The following GARIN2 variants were observed in gnomAD, a reference collection of about 807,000 sequenced individuals.
The protein encoded by GARIN2 is golgi associated RAB2 interactor family member 2.
the GARIN2 span, chr14:67,200,158 C>A: frequency 8.6e-7 from 1 of 1,159,958 alleles, no homozygotes; most frequent in Non-Finnish European, 1.2e-6. Context: ...TCACCCAGGT[C>A]CTATGCCTCC....
At chr14:67,205,776 C>T in the GARIN2 span, among the ~76,000 whole-genome samples, 1 of 152,132 alleles carries the variant, frequency 6.6e-6, no homozygotes, top group East Asian at 1.9e-4. Flanking sequence ...ACCGAAGTCT[C>T]CTGTGTAAGG....
the GARIN2 span, chr14:67,223,638 T>TG: frequency 6.5e-6 from 5 of 771,790 alleles, no homozygotes; most frequent in Non-Finnish European, 7.9e-6. Flanking sequence ...ACTTACAAAA[T>TG]GGGCATGTCG....
chr14:67,205,223 A>G, the GARIN2 span: 2 of 864,402 alleles, frequency 2.3e-6, no homozygotes, highest in Non-Finnish European at 3.4e-6. Flanking sequence ...CCTAATTTTA[A>G]TAGTGAGATT....
the GARIN2 span, chr14:67,221,881 G>T: frequency 6.3e-7 from 1 of 1,575,900 alleles, no homozygotes; most frequent in Non-Finnish European, 8.6e-7. Context: ...TCCTAGAAGA[G>T]TAGTGTGGCT....
chr14:67,219,844 A>G, the GARIN2 span, among the ~76,000 whole-genome samples: 109 of 152,294 alleles, frequency 7.2e-4, no homozygotes, highest in African/African-American at 2.6e-3. Flanking sequence ...ACAAAACAAA[A>G]CAAATTTTGG....
At chr14:67,213,553 C>G in the GARIN2 span, among the ~76,000 whole-genome samples, 1 of 151,968 alleles carries the variant, frequency 6.6e-6, no homozygotes, top group Non-Finnish European at 1.5e-5. Flanking sequence ...TTTTCTTAAT[C>G]CAGTTTATCA....
the GARIN2 span, among the ~76,000 whole-genome samples, chr14:67,196,468 C>T: frequency 5.9e-5 from 9 of 152,264 alleles, no homozygotes; most frequent in East Asian, 1.5e-3. Context: ...GTGATCTGCC[C>T]GCCTTGGCCT....
chr14:67,195,193 A>G, the GARIN2 span, among the ~76,000 whole-genome samples: 14 of 152,254 alleles, frequency 9.2e-5, no homozygotes, highest in Admixed American at 4.6e-4. Flanking sequence ...AGTTGATAAA[A>G]GAGCCTGTTA....
chr14:67,225,956 T>C, the GARIN2 span, among the ~76,000 whole-genome samples: 3 of 136,292 alleles, frequency 2.2e-5, no homozygotes, highest in East Asian at 2.3e-4. Flanking sequence ...TGTGTGTGTG[T>C]GTGTGTGCGC....
At chr14:67,208,053 C>T in the GARIN2 span, 1 of 1,201,276 alleles carries the variant, frequency 8.3e-7, no homozygotes, top group South Asian at 1.6e-5. Context: ...ATGGTCGTGC[C>T]ATTCTAAGCC....
At chr14:67,212,517 G>T in the GARIN2 span, among the ~76,000 whole-genome samples, 1 of 150,168 alleles carries the variant, frequency 6.7e-6, no homozygotes, top group Non-Finnish European at 1.5e-5. Context: ...CCTAATCCTG[G>T]GGGGTTGAGG....
At chr14:67,208,443 A>T in the GARIN2 span, 3 of 1,612,262 alleles carry the variant, frequency 1.9e-6, no homozygotes, top group Admixed American at 5.0e-5. Context: ...AAGGCTGAAG[A>T]ATCCAGGTAT....
chr14:67,190,194 C>T, the GARIN2 span, among the ~76,000 whole-genome samples: 23 of 147,970 alleles, frequency 1.6e-4, no homozygotes, highest in South Asian at 4.3e-3. Context: ...GGATTACAGG[C>T]GTGAGCCACT....
At chr14:67,207,447 G>A in the GARIN2 span, among the ~76,000 whole-genome samples, 1 of 151,230 alleles carries the variant, frequency 6.6e-6, no homozygotes, top group South Asian at 2.1e-4. Context: ...CCATTCATGA[G>A]GGATCTGCCC....
the GARIN2 span, among the ~76,000 whole-genome samples, chr14:67,216,537 C>A: frequency 1.3e-5 from 2 of 152,088 alleles, no homozygotes; most frequent in East Asian, 3.9e-4. Context: ...AGGTATTTAT[C>A]ACTATAAACT....
At chr14:67,202,171 C>T in the GARIN2 span, among the ~76,000 whole-genome samples, 169 of 152,238 alleles carry the variant, frequency 1.1e-3, no homozygotes, top group African/African-American at 3.6e-3. Context: ...CCAGGCACAG[C>T]GGCTCACGCC....
chr14:67,204,479 C>G, the GARIN2 span: 2 of 1,494,398 alleles, frequency 1.3e-6, no homozygotes, highest in Non-Finnish European at 1.8e-6. Context: ...ATAAGAAAGG[C>G]CTTTTTATAA....
the GARIN2 span, chr14:67,208,339 C>T: frequency 6.2e-7 from 1 of 1,613,940 alleles, no homozygotes; most frequent in Non-Finnish European, 8.5e-7. Context: ...TTCAAACTAC[C>T]TTGACCCCAG....
chr14:67,225,926 AGTGTGTGTGT>A, the GARIN2 span, among the ~76,000 whole-genome samples: 37 of 136,720 alleles, frequency 2.7e-4, no homozygotes, highest in African/African-American at 6.0e-4. Context: ...TAATGCTGTG[AGTGTGTGTGT>A]GTGTGTGTGT....
Sources: gnomAD v4.1 joint callset for allele counts (sites outside exome capture counted in the v4.1 genomes callset) on GRCh38, gnomAD v4.1.1 for gene constraint, MANE v1.5 for transcripts, NCBI Gene and HGNC (gene_info 2026-07-23, HGNC 2026-07-21) for gene names.